Variants in CDK12 observed in about 807,000 individuals in gnomAD.
The protein encoded by CDK12 is cyclin-dependent kinase 12.
In CDK12, 17 loss-of-function variants were observed where a neutral mutation model predicts 133.8. That is an observed-to-expected ratio of 0.13 (90% confidence interval 0.09 to 0.19). CDK12 has a LOEUF of 0.19. CDK12 is among the 10% of genes least tolerant of loss of function. The pLI, the probability that CDK12 is intolerant of heterozygous loss-of-function variation, is 1.00. For synonymous variants in CDK12, 694 were observed against 683.6 expected (o/e 1.02, Z -0.24); for missense variants, 1,508 against 1,818.7 (o/e 0.83, Z 3.11).
rs543616216 is a variant in CDK12, at chr17:39,534,394, C to A, written c.*3078C>A. 2.6e-5 allele frequency: 6 copies of A among 232,866 alleles called. No homozygotes were observed. The East Asian group carries it at 3.6e-4, about 14-fold the overall frequency. The allele number at this position is 232,866 out of a possible 1,614,324, so 14.4% of individuals were successfully genotyped here. A position where few individuals can be genotyped will look rare whatever the true frequency, so the allele number is the denominator to read the frequency against. On this transcript the variant is annotated 3_prime_UTR_variant, in exon 14 of 14. Transcript: ENST00000447079. ...CACCTCATTCTCCCTGATTTAGGTT[C>A]CTGACACTGATTCCTTTCTCTCTCG...
chr17:39,526,214 A>T lies in CDK12; in HGVS notation c.3658A>T (p.Thr1220Ser). 6.2e-7 allele frequency: 1 copy of T among 1,613,862 alleles called. No homozygotes were observed. The highest frequency in any genetic ancestry group is 1.1e-5 in the South Asian group (1 of 91,042). Residue 1220 changes from threonine to serine, a missense_variant, in exon 13 of 14, where the codon ACC (threonine) becomes TCC (serine). Around this residue, in one of 9 missense-constraint regions of CDK12, gnomAD observed 399 missense variants for 469.6 expected, o/e 0.85. Coordinates refer to ENST00000447079, the MANE Select transcript of CDK12 (RefSeq NM_016507.4). ...AGTTCTCTTGAGTCAGCTGATGAAA[A>T]CCCAAGAGCCAGCAGGCAGTCTGGA... ...LAVLLSQLMK[T>S]QEPAGSLEEN... is the part of the protein sequence containing the mutation.
At chr17:39,476,021 T>G (rs931472030) in intron 2 of CDK12, among the ~76,000 whole-genome samples, 6 of 152,042 alleles carry the variant, frequency 3.9e-5, no homozygotes, top group African/African-American at 1.4e-4. Flanking sequence ...TTTCAATACT[T>G]GTTTACATAG....
chr17:39,483,689 A>T (rs1228039065), intron 2 of CDK12, among the ~76,000 whole-genome samples: 2 of 148,844 alleles, frequency 1.3e-5, no homozygotes, highest in Non-Finnish European at 3.0e-5. Context: ...AAACAGTTAC[A>T]ATTTATTTAT....
intron 13 of CDK12, among the ~76,000 whole-genome samples, chr17:39,528,758 G>A (rs936496386): frequency 1.1e-4 from 16 of 152,178 alleles, no homozygotes; most frequent in African/African-American, 3.6e-4. Context: ...CAAAAAAATG[G>A]CATAGCTGGA....
At chr17:39,537,545 T>A (rs996802663), downstream of CDK12, among the ~76,000 whole-genome samples, 2 of 142,486 alleles carry the variant, frequency 1.4e-5, no homozygotes, top group African/African-American at 5.4e-5. Context: ...AATTCCTTAT[T>A]TTTATTTATT....
chr17:39,470,422 G>A (rs747182388), intron 1 of CDK12, among the ~76,000 whole-genome samples: 7 of 152,060 alleles, frequency 4.6e-5, no homozygotes, highest in Non-Finnish European at 8.8e-5. Flanking sequence ...TGCCCAGCCA[G>A]TTTAATCTAT....
chr17:39,526,953 A>G (rs1275842809), intron 13 of CDK12, among the ~76,000 whole-genome samples: 1 of 152,234 alleles, frequency 6.6e-6, no homozygotes, highest in East Asian at 1.9e-4. Context: ...ATAAAGAAAA[A>G]AAAGGAAAAT....
intron 2 of CDK12, among the ~76,000 whole-genome samples, chr17:39,483,755 C>T (rs2050908302): frequency 6.6e-6 from 1 of 151,162 alleles, no homozygotes; most frequent in African/African-American, 2.4e-5. Context: ...TTCTTACTCT[C>T]ATGATCCGCC....
At chr17:39,515,662 A>C in intron 8 of CDK12, 69 bp from the exon 9 acceptor site, 1 of 1,015,622 alleles carries the variant, frequency 9.8e-7, no homozygotes, top group Non-Finnish European at 1.5e-6. Flanking sequence ...ATAATGTAAA[A>C]ATTTTTTGAG....
intron 1 of CDK12, among the ~76,000 whole-genome samples, chr17:39,465,466 G>A (rs1003798576): frequency 1.3e-4 from 19 of 150,728 alleles, no homozygotes; most frequent in African/African-American, 4.7e-4. Context: ...AGTCTTAAGT[G>A]TAGCATTTGT....
At position 39,492,836 on chromosome 17, in the gene CDK12, A is replaced by G; in HGVS notation, c.2194A>G (p.Ile732Val). The change falls in exon 4 of 14, where the codon ATT becomes GTT. Residue 732 changes from isoleucine to valine, a missense_variant. Coordinates refer to ENST00000447079, the MANE Select transcript of CDK12 (RefSeq NM_016507.4). ...TGTGGACAAGTTTGACATTATTGGG[A>G]TTATTGGAGAAGGAACCTATGGCCA... ...RCVDKFDIIG[I>V]IGEGTYGQVY... 6.2e-7 allele frequency: 1 copy of G among 1,613,548 alleles called. No homozygotes were observed.
chr17:39,563,720 C>G (rs1190495111), intron 3 of CDK12, among the ~76,000 whole-genome samples: 1 of 151,950 alleles, frequency 6.6e-6, no homozygotes, highest in Non-Finnish European at 1.5e-5. Flanking sequence ...TAAGAGAAAT[C>G]GCGAGCAGGG....
upstream of CDK12, among the ~76,000 whole-genome samples, chr17:39,543,249 G>C (rs560780143): frequency 1.5e-4 from 23 of 152,294 alleles, no homozygotes; most frequent in African/African-American, 5.5e-4. Context: ...ATTCTCCTTT[G>C]ATGAGGCAGA....
chr17:39,517,826 T>A (rs2053905913), intron 10 of CDK12, among the ~76,000 whole-genome samples: 1 of 152,202 alleles, frequency 6.6e-6, no homozygotes, highest in Admixed American at 6.5e-5. Context: ...AAAAAGAGAA[T>A]GGAATTGTTG....
At chr17:39,491,118 A>G (rs2051560032) in intron 3 of CDK12, among the ~76,000 whole-genome samples, 1 of 152,206 alleles carries the variant, frequency 6.6e-6, no homozygotes. Flanking sequence ...CTGAAAGCAT[A>G]TAAATTGTCA....
intron 8 of CDK12, among the ~76,000 whole-genome samples, chr17:39,513,107 C>G (rs1006307419): frequency 2.0e-5 from 3 of 152,160 alleles, no homozygotes; most frequent in African/African-American, 7.2e-5. Flanking sequence ...ATCCATTTCT[C>G]TAAGGAGTCT....
rs375235713 is a variant in CDK12 at position 39,471,498 on chromosome 17, C to T, written c.1666C>T (p.Pro556Ser). Residue 556 changes from proline (P) to serine (S), a missense_variant, in exon 2 of 14, where the codon CCA (proline) becomes TCA (serine). Pro to Ser is a moderately conservative substitution (Grantham distance 74). Transcript: ENST00000447079. ...PQTPPLPPLP[P>S]IPALPQQPPL... is the part of the protein sequence containing the mutation. ...GACACCCCCTTTGCCACCTTTGCCT[C>T]CAATACCAGCTCTTCCACAGCAACC... is the stretch of plus-strand genomic sequence containing the variant. 6 of 1,613,656 alleles carry T rather than the reference C, an allele frequency of 3.7e-6. No individual in the cohort carries two copies. The highest frequency in any genetic ancestry group is 1.1e-5 in the South Asian group (1 of 91,044).
chr17:39,555,828 TACACACACACAC>T (rs60227908), intron 2 of CDK12, among the ~76,000 whole-genome samples: 14,472 of 108,582 alleles, frequency 0.13, 1,081 homozygotes, highest in Non-Finnish European at 0.17. Context: ...ACCTCATCTC[TACACACACACAC>T]ACACACACAC....
At chr17:39,480,437 T>G (rs115031766) in intron 2 of CDK12, among the ~76,000 whole-genome samples, 2,458 of 149,174 alleles carry the variant, frequency 0.016, 73 homozygotes, top group African/African-American at 0.058. Flanking sequence ...GCCCAGCTAG[T>G]TTTTTTTTTG....
Sources: allele counts gnomAD v4.1 joint callset (sites outside exome capture counted in the v4.1 genomes callset), GRCh38; gene constraint gnomAD v4.1.1; regional missense constraint gnomAD v4.1.1; transcripts MANE v1.5; gene names NCBI Gene and HGNC (gene_info 2026-07-23, HGNC 2026-07-21).